The following SGCG variants were observed in gnomAD, a reference collection of about 807,000 sequenced individuals.
SGCG encodes sarcoglycan gamma.
In SGCG, 26 loss-of-function variants were observed where a neutral mutation model predicts 29.3. That is an observed-to-expected ratio of 0.89 (90% CI 0.65 to 1.23). The LOEUF (loss-of-function observed/expected upper bound fraction) is 1.23, where lower values mean the gene tolerates loss of function less well. Among genes scored for constraint, SGCG ranks in the 50% most tolerant of loss-of-function variants. The pLI is 0.00. For synonymous variants in SGCG, 145 were observed against 129.7 expected, an observed-to-expected ratio of 1.12 and a Z score of -0.80; for missense variants, 353 against 356.0, an observed-to-expected ratio of 0.99 and a Z score of 0.07.
At chr13:23,251,267 A>G (rs1296207095) in intron 4 of SGCG, among the ~76,000 whole-genome samples, 1 of 152,206 alleles carries the variant, frequency 6.6e-6, no homozygotes, top group Non-Finnish European at 1.5e-5. Context: ...TTTAGTCTTC[A>G]ATTACGCAAA....
intron 1 of SGCG, among the ~76,000 whole-genome samples, chr13:23,203,041 C>G (rs1877825950): frequency 6.6e-6 from 1 of 152,042 alleles, no homozygotes; most frequent in African/African-American, 2.4e-5. Flanking sequence ...CTCACTGCAA[C>G]CTCCATCTAC....
the SGCG span, among the ~76,000 whole-genome samples, chr13:23,167,493 G>T: frequency 5.3e-5 from 8 of 152,142 alleles, no homozygotes; most frequent in African/African-American, 1.9e-4. Flanking sequence ...GTCCATAGTG[G>T]TTGTACTAAT....
chr13:23,260,505 C>T (rs919507146), intron 4 of SGCG, among the ~76,000 whole-genome samples: 8 of 152,120 alleles, frequency 5.3e-5, no homozygotes, highest in Non-Finnish European at 1.2e-4. Flanking sequence ...ATCCAATTTG[C>T]CAGTCTGTGT....
intron 5 of SGCG, among the ~76,000 whole-genome samples, chr13:23,286,996 C>T (rs972542150): frequency 6.6e-6 from 1 of 152,182 alleles, no homozygotes; most frequent in Non-Finnish European, 1.5e-5. Flanking sequence ...ATAGCTTTAT[C>T]GCCAATGGTA....
chr13:23,232,992 T>C (rs749206701), intron 2 of SGCG, among the ~76,000 whole-genome samples: 8 of 152,320 alleles, frequency 5.3e-5, no homozygotes, highest in Non-Finnish European at 8.8e-5. Flanking sequence ...ATAACTACCA[T>C]GGTAAACAGT....
rs552469528 is a variant in SGCG at position 23,181,411 on chromosome 13, T to G, written c.-1+336T>G. Among the ~76,000 whole-genome samples, 93 of 152,196 alleles carry G rather than the reference T, an allele frequency of 6.1e-4. 1 individual carries two copies. Among genetic ancestry groups the G allele is most frequent in the Non-Finnish European group, 1.2e-3 (84 of 68,014 alleles). ...AGTTAATTTAAACAAAGTATTATCT[T>G]TAAGATCACCTACTTCTAATTCTGC... On this transcript the variant is annotated intron_variant, in intron 1 of 7. Coordinates refer to ENST00000218867, the MANE Select transcript of SGCG (RefSeq NM_000231.3).
intron 4 of SGCG, among the ~76,000 whole-genome samples, chr13:23,253,561 T>C (rs1880058544): frequency 6.6e-6 from 1 of 152,210 alleles, no homozygotes; most frequent in Admixed American, 6.5e-5. Flanking sequence ...CTAGCCATAT[T>C]AATCTCATTT....
Position 23,324,822 on chromosome 13 carries a change from G to A in SGCG, c.*281G>A, listed in dbSNP as rs571413005. On this transcript the variant is annotated 3_prime_UTR_variant, in exon 8 of 8. Transcript: ENST00000218867. ...AACAATTGCGAATTCTCTCTGCCTCGCCTCCCCCTATCTTGTCCGTGTGGG... is the reference window on the plus strand; with the variant it reads ...AACAATTGCGAATTCTCTCTGCCTCACCTCCCCCTATCTTGTCCGTGTGGG... 33 of 430,516 alleles carry A rather than the reference G, an allele frequency of 7.7e-5. No homozygotes were observed. The highest frequency in any genetic ancestry group is 1.0e-4 in the African/African-American group (5 of 49,550). 26.7% of individuals were successfully genotyped at this position (430,516 alleles called of 1,614,324 possible). A position where few individuals can be genotyped will look rare whatever the true frequency, so the allele number is the denominator to read the frequency against.
At chr13:23,202,814 C>A (rs1241384146) in intron 1 of SGCG, among the ~76,000 whole-genome samples, 1 of 152,088 alleles carries the variant, frequency 6.6e-6, no homozygotes, top group Non-Finnish European at 1.5e-5. Context: ...CAAAAAATCC[C>A]AGAGAAGAGT....
Position 23,295,416 on chromosome 13 carries a change from G to A in SGCG, c.507G>A (p.Gly169=), listed in dbSNP as rs199905729. 4.3e-6 allele frequency: 7 copies of A among 1,612,608 alleles called. No individual in the cohort carries two copies. In the Middle Eastern group the frequency reaches 4.9e-4, roughly 114 times the overall value. The stretch of plus-strand genomic sequence containing the variant: ...GATACATCTTTGTTTTTTGTTTAGG[G>A]CCTGAAGGGGCTCTTTTTGAACATT... ...VVGTDKLRVT[G]PEGALFEHSV... is the part of the protein sequence containing the mutation. The change falls in exon 6 of 8, where the codon GGG becomes GGA. Residue 169 remains glycine, a splice_region_variant and synonymous_variant. Coordinates refer to ENST00000218867, the MANE Select transcript of SGCG (RefSeq NM_000231.3).
intron 2 of SGCG, among the ~76,000 whole-genome samples, chr13:23,223,089 T>C (rs552312563): frequency 7.9e-5 from 12 of 151,630 alleles, no homozygotes; most frequent in Non-Finnish European, 1.5e-4. Flanking sequence ...CCATCCTGGC[T>C]AACACGGTGA....
intron 5 of SGCG, among the ~76,000 whole-genome samples, chr13:23,280,804 G>C (rs1334339265): frequency 1.3e-5 from 2 of 152,336 alleles, no homozygotes; most frequent in African/African-American, 4.8e-5. Flanking sequence ...GTTCTTGGTA[G>C]AGTATCATTG....
intron 6 of SGCG, among the ~76,000 whole-genome samples, chr13:23,301,780 A>G (rs1225475473): frequency 6.6e-6 from 1 of 152,014 alleles, no homozygotes; most frequent in African/African-American, 2.4e-5. Context: ...AATCCCAGCT[A>G]CTTGGGAGGC....
intron 5 of SGCG, among the ~76,000 whole-genome samples, chr13:23,281,855 G>C (rs1232147507): frequency 1.3e-5 from 2 of 152,216 alleles, no homozygotes; most frequent in African/African-American, 4.8e-5. Context: ...GTGAGGCCCA[G>C]TTCCTAACAG....
intron 2 of SGCG, among the ~76,000 whole-genome samples, chr13:23,215,126 C>G (rs1878377980): frequency 6.6e-6 from 1 of 152,146 alleles, no homozygotes; most frequent in Non-Finnish European, 1.5e-5. Flanking sequence ...CAACAGCACA[C>G]TTGGTCTCCT....
chr13:23,313,854 C>T (rs1278178942), intron 6 of SGCG, among the ~76,000 whole-genome samples: 1 of 152,102 alleles, frequency 6.6e-6, no homozygotes, highest in Non-Finnish European at 1.5e-5. Flanking sequence ...GAAGGCAGAC[C>T]CACCCTTAAC....
At chr13:23,277,622 T>G (rs1279513559) in intron 4 of SGCG, among the ~76,000 whole-genome samples, 3 of 152,050 alleles carry the variant, frequency 2.0e-5, no homozygotes, top group Non-Finnish European at 4.4e-5. Context: ...ATCCAAAAAT[T>G]TTTATGAGAA....
At chr13:23,269,883 G>GTTTTTTTTGT (rs1555242098) in intron 4 of SGCG, among the ~76,000 whole-genome samples, 1 of 117,002 alleles carries the variant, frequency 8.5e-6, no homozygotes, top group Non-Finnish European at 1.8e-5. Flanking sequence ...TGTTTTTTTT[G>GTTTTTTTTGT]TTTTTTTTTG....
At chr13:23,316,652 G>T (rs910709982) in intron 6 of SGCG, among the ~76,000 whole-genome samples, 3 of 152,196 alleles carry the variant, frequency 2.0e-5, no homozygotes, top group African/African-American at 7.2e-5. Context: ...AGGGGTGGAA[G>T]TGGAAGTGGC....
Sources: gnomAD v4.1 joint callset for allele counts (sites outside exome capture counted in the v4.1 genomes callset) on GRCh38, gnomAD v4.1.1 for gene constraint, MANE v1.5 for transcripts, NCBI Gene and HGNC (gene_info 2026-07-23, HGNC 2026-07-21) for gene names.